The following FAM210A variants were observed in gnomAD, a reference collection of about 807,000 sequenced individuals.
FAM210A encodes family with sequence similarity 210 member A.
Under a neutral mutation model 25.3 loss-of-function variants are expected in FAM210A, and 13 were observed. That is an observed-to-expected ratio of 0.51 (90% CI 0.33 to 0.82). The LOEUF (loss-of-function observed/expected upper bound fraction) is 0.82. Ranked by LOEUF, FAM210A falls within the 40% of genes least tolerant of loss-of-function variation. The pLI is 0.02. For synonymous variants in FAM210A, 125 were observed against 118.7 expected (o/e 1.05, Z -0.35); for missense variants, 319 against 323.2 (o/e 0.99, Z 0.10).
At chr18:13,677,229 C>G (rs1256014624) in intron 2 of FAM210A, among the ~76,000 whole-genome samples, 1 of 152,158 alleles carries the variant, frequency 6.6e-6, no homozygotes, top group Non-Finnish European at 1.5e-5. Context: ...TGCCCGCCAC[C>G]ACGCCCGGCT....
At chr18:13,696,884 A>G (rs2149063506) in intron 1 of FAM210A, among the ~76,000 whole-genome samples, 1 of 152,328 alleles carries the variant, frequency 6.6e-6, no homozygotes, top group Non-Finnish European at 1.5e-5. Context: ...CTAGGCCTTC[A>G]CATTCACTCA....
At chr18:13,673,996 C>A (rs75856033) in intron 2 of FAM210A, among the ~76,000 whole-genome samples, 1 of 145,338 alleles carries the variant, frequency 6.9e-6, no homozygotes, top group Non-Finnish European at 1.5e-5. Flanking sequence ...CATTCCTGAG[C>A]CCCGACTTCA....
chr18:13,695,188 G>C (rs939603112), intron 1 of FAM210A, among the ~76,000 whole-genome samples: 1 of 152,186 alleles, frequency 6.6e-6, no homozygotes, highest in African/African-American at 2.4e-5. Context: ...CAGTTAGAAT[G>C]GCGATCATTA....
Position 13,665,381 on chromosome 18 carries a change from C to CAAA in FAM210A, c.*1096_*1098dup, listed in dbSNP as rs56656145. On this transcript the variant is annotated 3_prime_UTR_variant, in exon 4 of 4. Coordinates refer to ENST00000651643, the MANE Select transcript of FAM210A (RefSeq NM_152352.4). Reference sequence around the variant, plus strand: ...GGAGAGAGAGAGGGAGGCTCCGTCTCAAAAAAAAAAAAAAAAAAAAAAAAA... The same window carrying CAAA: ...GGAGAGAGAGAGGGAGGCTCCGTCTCAAAAAAAAAAAAAAAAAAAAAAAAAAAA... 5.5e-4 allele frequency: 35 copies of CAAA among 63,700 alleles called. 3 individuals are homozygous for CAAA. The highest frequency in any genetic ancestry group is 1.2e-3 in the African/African-American group (24 of 19,456). 3.9% of individuals were successfully genotyped at this position (63,700 alleles called of 1,614,324 possible). A position where few individuals can be genotyped will look rare whatever the true frequency, so the allele number is the denominator to read the frequency against.
chr18:13,674,862 A>T (rs371819719), intron 2 of FAM210A, among the ~76,000 whole-genome samples: 8 of 131,914 alleles, frequency 6.1e-5, no homozygotes, highest in African/African-American at 1.8e-4. Flanking sequence ...CTTGATTTCC[A>T]GTTTCCTGAT....
At chr18:13,718,954 T>C (rs1030175460) in intron 1 of FAM210A, among the ~76,000 whole-genome samples, 8 of 152,152 alleles carry the variant, frequency 5.3e-5, no homozygotes, top group African/African-American at 1.9e-4. Flanking sequence ...CCAGAAGCCA[T>C]TGTTGCAATA....
Position 13,682,031 on chromosome 18 carries a change from G to A in FAM210A, c.47C>T (p.Thr16Ile). 1 of 1,612,834 alleles carries A rather than the reference G, an allele frequency of 6.2e-7. No individual in the cohort carries two copies. The change falls in exon 2 of 4, where the codon ACA becomes ATA. Residue 16 changes from threonine to isoleucine, a missense_variant. Physicochemically the swap from Thr to Ile is moderately conservative, Grantham distance 89. Coordinates refer to ENST00000651643, the MANE Select transcript of FAM210A (RefSeq NM_152352.4). ...ACCAGCATTATGTGGTTCCAAGCATGTCCTGCGTGCCAGTCGAGATACAGT... is the reference window on the plus strand; with the variant it reads ...ACCAGCATTATGTGGTTCCAAGCATATCCTGCGTGCCAGTCGAGATACAGT... ...PRTVSRLARR[T>I]CLEPHNAGLF...
chr18:13,685,253 A>C (rs1431607828), intron 1 of FAM210A, among the ~76,000 whole-genome samples: 24 of 151,750 alleles, frequency 1.6e-4, no homozygotes, highest in Non-Finnish European at 2.5e-4. Context: ...TTACCCCAAA[A>C]CACGTTTCTC....
chr18:13,711,537 C>G (rs372542054), intron 1 of FAM210A, among the ~76,000 whole-genome samples: 9 of 152,148 alleles, frequency 5.9e-5, no homozygotes, highest in African/African-American at 2.2e-4. Flanking sequence ...TTCTGTTACA[C>G]ATAATTACCC....
intron 1 of FAM210A, among the ~76,000 whole-genome samples, chr18:13,705,268 T>A (rs2043769160): frequency 6.6e-6 from 1 of 152,160 alleles, no homozygotes; most frequent in African/African-American, 2.4e-5. Context: ...ATGTACCTAA[T>A]TTGGAAAAAC....
intron 1 of FAM210A, among the ~76,000 whole-genome samples, chr18:13,704,350 T>C (rs2043762285): frequency 6.6e-6 from 1 of 152,172 alleles, no homozygotes; most frequent in Admixed American, 6.5e-5. Context: ...GTGAACATAT[T>C]GACTAAACTT....
Position 13,666,649 on chromosome 18 carries a change from C to A in FAM210A, c.650G>T (p.Arg217Leu), listed in dbSNP as rs764696749. The A allele has an allele frequency of 6.2e-7, 1 of 1,614,180 alleles. No individual in the cohort carries two copies. The highest frequency in any genetic ancestry group is 8.5e-7 in the Non-Finnish European group (1 of 1,180,044). Residue 217 changes from arginine (R) to leucine (L), a missense_variant, in exon 4 of 4, where the codon CGC becomes CTC. Transcript: ENST00000651643. ...GGTSVTVKYL[R>L]SHGYMSTPPP... Reference sequence around the variant, plus strand: ...CGGCGTGGACATGTAGCCATGACTGCGCAGATACTTCACAGTGACAGATGT... The same window carrying A: ...CGGCGTGGACATGTAGCCATGACTGAGCAGATACTTCACAGTGACAGATGT...
At chr18:13,721,414 A>T (rs924487326) in intron 1 of FAM210A, among the ~76,000 whole-genome samples, 1 of 152,166 alleles carries the variant, frequency 6.6e-6, no homozygotes, top group Non-Finnish European at 1.5e-5. Context: ...ATTTTCCAAG[A>T]TCAATCTGTT....
chr18:13,684,686 A>G (rs1158891850), intron 1 of FAM210A, among the ~76,000 whole-genome samples: 1 of 152,226 alleles, frequency 6.6e-6, no homozygotes, highest in Non-Finnish European at 1.5e-5. Context: ...GTTAAACTAA[A>G]CAACAATGTT....
intron 1 of FAM210A, among the ~76,000 whole-genome samples, chr18:13,690,986 GC>G (rs1281546850): frequency 6.6e-6 from 1 of 152,126 alleles, no homozygotes; most frequent in African/African-American, 2.4e-5. Context: ...CGAACCCATC[GC>G]AAAGAAGCTA....
chr18:13,689,428 C>T (rs1420342371), intron 1 of FAM210A, among the ~76,000 whole-genome samples: 1 of 152,176 alleles, frequency 6.6e-6, no homozygotes, highest in African/African-American at 2.4e-5. Context: ...CTGACAAAAT[C>T]TAACACCTAT....
At chr18:13,666,823 C>G in intron 3 of FAM210A, 110 bp from the exon 4 acceptor site, 2 of 941,130 alleles carry the variant, frequency 2.1e-6, no homozygotes, top group African/African-American at 1.7e-5. Flanking sequence ...GAATAAATTG[C>G]CTCATTGTTT....
intron 2 of FAM210A, among the ~76,000 whole-genome samples, chr18:13,677,232 G>A (rs539566026): frequency 2.6e-5 from 4 of 152,160 alleles, no homozygotes; most frequent in East Asian, 1.9e-4. Flanking sequence ...CCGCCACCAC[G>A]CCCGGCTAAT....
At chr18:13,677,606 C>T (rs976862587) in intron 2 of FAM210A, among the ~76,000 whole-genome samples, 3 of 152,126 alleles carry the variant, frequency 2.0e-5, no homozygotes, top group African/African-American at 7.2e-5. Flanking sequence ...CAGGGTGTGG[C>T]GCCGGGCTGT....
Sources: allele counts gnomAD v4.1 joint callset (sites outside exome capture counted in the v4.1 genomes callset), GRCh38; gene constraint gnomAD v4.1.1; transcripts MANE v1.5; gene names NCBI Gene and HGNC (gene_info 2026-07-23, HGNC 2026-07-21).